Variants in ZNF595 observed in about 807,000 individuals in gnomAD.
The protein encoded by ZNF595 is zinc finger protein 595.
A neutral mutation model predicts 19.4 loss-of-function variants in ZNF595; 9 were observed. That is an observed-to-expected ratio of 0.46 (90% confidence interval 0.28 to 0.81). The LOEUF is 0.81. ZNF595 is among the 30% of genes least tolerant of loss of function. The pLI is 0.11. For synonymous variants in ZNF595, 255 were observed against 255.9 expected, an observed-to-expected ratio of 1.00 and a Z score of 0.03; for missense variants, 729 against 736.0, an observed-to-expected ratio of 0.99 and a Z score of 0.11.
intron 3 of ZNF595, among the ~76,000 whole-genome samples, chr4:74,864 T>A (rs1312006352): frequency 6.6e-6 from 1 of 152,350 alleles, no homozygotes; most frequent in East Asian, 1.9e-4. Flanking sequence ...AATTCCCAGC[T>A]TGACTTTTCC....
intron 3 of ZNF595, among the ~76,000 whole-genome samples, chr4:69,821 G>A (rs7678633): frequency 0.097 from 14,740 of 152,040 alleles, 778 homozygotes; most frequent in South Asian, 0.17. Context: ...TGCTTGTGGG[G>A]GTATTATTCA....
At chr4:71,293 C>A (rs1553797846) in intron 3 of ZNF595, among the ~76,000 whole-genome samples, 29 of 152,110 alleles carry the variant, frequency 1.9e-4, no homozygotes, top group Non-Finnish European at 2.9e-5. Flanking sequence ...TGACTTCTTT[C>A]TTTCCAATTT....
In ZNF595 at chr4:74,411, A is replaced by C. The variant is rs147517266; in HGVS notation, c.227-11320A>C. ...AATGATGTGTTGTATTAAGTAGGGC[A>C]ATAAAGTTCCCTAGTATTATCATAT... On this transcript the variant is annotated intron_variant, in intron 3 of 3. Coordinates refer to ENST00000610261, the MANE Select transcript of ZNF595 (RefSeq NM_182524.4). 6.0e-3 allele frequency among the ~76,000 whole-genome samples: 916 copies of C among 152,320 alleles called. 4 individuals carry two copies. Among genetic ancestry groups the C allele is most frequent in the Middle Eastern group, 0.02 (6 of 294 alleles).
At position 86,072 on chromosome 4, in the gene ZNF595, C is replaced by T. The variant is rs1212790168; in HGVS notation, c.568C>T (p.His190Tyr). 6.2e-7 allele frequency: 1 copy of T among 1,613,142 alleles called. No individual in the cohort carries two copies. The highest frequency in any genetic ancestry group is 8.5e-7 in the Non-Finnish European group (1 of 1,179,490). ...GTTTTACATGTCACACCTAACTCAA[C>T]ATACAGGAATTCATGCTGGAGAGAA... ...RSFYMSHLTQ[H>Y]TGIHAGEKPY... The change falls in exon 4 of 4, where the codon CAT becomes TAT. Residue 190 changes from histidine (H) to tyrosine (Y), a missense_variant. His to Tyr is a moderately conservative substitution (Grantham distance 83). This residue lies in a region of ZNF595 where 729 missense variants were observed against 675.3 expected (regional missense o/e 1.08). Transcript: ENST00000610261.
intron 3 of ZNF595, among the ~76,000 whole-genome samples, chr4:72,618 T>A (rs11734652): frequency 1.3e-5 from 2 of 152,232 alleles, no homozygotes; most frequent in Non-Finnish European, 2.9e-5. Context: ...GATTGCTTAA[T>A]TATTTGTTAT....
intron 1 of ZNF595, among the ~76,000 whole-genome samples, chr4:59,013 GC>G (rs1712733793): frequency 5.5e-5 from 5 of 91,172 alleles, no homozygotes; most frequent in African/African-American, 1.2e-4. Flanking sequence ...GTGACTCTCA[GC>G]CCAGTCTTCC....
At chr4:61,296 G>T (rs1581323224) in intron 3 of ZNF595, among the ~76,000 whole-genome samples, 1 of 152,308 alleles carries the variant, frequency 6.6e-6, no homozygotes, top group African/African-American at 2.4e-5. Flanking sequence ...TCAGCCTCCT[G>T]AGTAGCTGGG....
At chr4:61,460 C>G (rs1712862773) in intron 3 of ZNF595, among the ~76,000 whole-genome samples, 1 of 152,306 alleles carries the variant, frequency 6.6e-6, no homozygotes, top group South Asian at 2.1e-4. Context: ...CTTAAATGCA[C>G]TATGTCATTA....
At chr4:83,994 G>A (rs532006329) in intron 3 of ZNF595, among the ~76,000 whole-genome samples, 1 of 151,640 alleles carries the variant, frequency 6.6e-6, no homozygotes. Context: ...ATTTTTTCAT[G>A]TATCCATACA....
Position 87,167 on chromosome 4 carries a change from A to T in ZNF595, c.1663A>T (p.Lys555Ter), listed in dbSNP as rs1207389937. The change falls in exon 4 of 4, where the codon AAG becomes TAG. Residue 555 changes from lysine (K) to a stop codon, truncating the protein, a stop_gained. Coordinates refer to ENST00000610261, the MANE Select transcript of ZNF595 (RefSeq NM_182524.4). LOFTEE classifies it high-confidence loss of function. ...FTRSTALNEH[K>*]KIHSGEKPYK... ...TCGGTCCACAGCCCTGAATGAACAT[A>T]AGAAAATTCATTCTGGAGAGAAACC... 1.2e-6 allele frequency: 2 copies of T among 1,614,076 alleles called. No individual in the cohort carries two copies. Among genetic ancestry groups the T allele is most frequent in the Admixed American group, 3.3e-5 (2 of 60,022 alleles).
At chr4:61,440 T>C (rs1210327759) in intron 3 of ZNF595, among the ~76,000 whole-genome samples, 1 of 152,308 alleles carries the variant, frequency 6.6e-6, no homozygotes, top group Non-Finnish European at 1.5e-5. Context: ...CTGGCCCGCC[T>C]TCTAGATTTC....
intron 3 of ZNF595, among the ~76,000 whole-genome samples, chr4:76,920 C>T (rs1713688207): frequency 6.6e-6 from 1 of 152,090 alleles, no homozygotes; most frequent in African/African-American, 2.4e-5. Flanking sequence ...ATTATGTGTT[C>T]TGGGCAATTG....
At chr4:75,887 A>G (rs995120403) in intron 3 of ZNF595, among the ~76,000 whole-genome samples, 19 of 151,820 alleles carry the variant, frequency 1.3e-4, no homozygotes, top group African/African-American at 4.1e-4. Context: ...TTAAGATAAC[A>G]ATTTAACTTT....
chr4:68,492 T>A (rs1246373388), intron 3 of ZNF595: 1 of 152,280 alleles, frequency 6.6e-6, no homozygotes. Context: ...AATTCTTAAC[T>A]ATGTTCAGGA....
At position 86,660 on chromosome 4, in the gene ZNF595, C is replaced by T. The variant is rs372644520; in HGVS notation, c.1156C>T (p.His386Tyr). ...TACTTGGTCCTCATCCCTTAATAAA[C>T]ATAAGAGAATTCATACTGGAGAGAA... ...AFTWSSSLNK[H>Y]KRIHTGEKPY... The change falls in exon 4 of 4, where the codon CAT becomes TAT. Residue 386 changes from histidine (H) to tyrosine (Y), a missense_variant. Coordinates refer to ENST00000610261, the MANE Select transcript of ZNF595 (RefSeq NM_182524.4). 8 of 1,613,346 alleles carry T rather than the reference C, an allele frequency of 5.0e-6. No homozygotes were observed. Among genetic ancestry groups the T allele is most frequent in the Non-Finnish European group, 6.8e-6 (8 of 1,179,810 alleles).
chr4:78,910 C>G (rs567301586), intron 3 of ZNF595, among the ~76,000 whole-genome samples: 8 of 152,240 alleles, frequency 5.3e-5, no homozygotes, highest in Non-Finnish European at 7.4e-5. Flanking sequence ...TCAGGCTGGT[C>G]TTGAACTCCT....
In ZNF595 at chr4:87,658, G is replaced by T; in HGVS notation, c.*207G>T. Reference sequence around the variant, plus strand: ...GTAATTATCACATCAGAGTAAATGAGTTATTCTTCACAAGCATTTGTTCTT... The same window carrying T: ...GTAATTATCACATCAGAGTAAATGATTTATTCTTCACAAGCATTTGTTCTT... On this transcript the variant is annotated 3_prime_UTR_variant, in exon 4 of 4. Transcript: ENST00000610261. 1 of 331,348 alleles carries T rather than the reference G, an allele frequency of 3.0e-6. No homozygotes were observed. Among genetic ancestry groups the T allele is most frequent in the Non-Finnish European group, 5.4e-6 (1 of 185,246 alleles). 20.5% of individuals were successfully genotyped at this position (331,348 alleles called of 1,614,324 possible).
At chr4:77,854 T>C (rs1553799030) in intron 3 of ZNF595, among the ~76,000 whole-genome samples, 1 of 152,166 alleles carries the variant, frequency 6.6e-6, no homozygotes, top group Non-Finnish European at 1.5e-5. Flanking sequence ...GTGTGGCTCT[T>C]GCTGGATGTT....
At chr4:79,672 G>GTTTTTT (rs1176237427) in intron 3 of ZNF595, among the ~76,000 whole-genome samples, 1 of 128,028 alleles carries the variant, frequency 7.8e-6, no homozygotes, top group African/African-American at 2.8e-5. Context: ...CTCCAGCTTT[G>GTTTTTT]TTGTTTTTTT....
Sources: gnomAD v4.1 joint callset for allele counts (sites outside exome capture counted in the v4.1 genomes callset) on GRCh38, gnomAD v4.1.1 for gene constraint, gnomAD v4.1.1 regional missense constraint, MANE v1.5 for transcripts, NCBI Gene and HGNC (gene_info 2026-07-23, HGNC 2026-07-21) for gene names.